CEP72: variants seen among roughly 807,000 people sequenced by gnomAD.
CEP72 encodes centrosomal protein of 72 kDa.
CEP72 carries 78 observed loss-of-function variants against 65.7 expected under a neutral mutation model. The observed-to-expected ratio is 1.19, with a 90% CI of 0.99 to 1.43. The LOEUF is 1.43. CEP72 is among the 40% of genes most tolerant of loss of function. CEP72 has a pLI of 0.00. For synonymous variants in CEP72, 358 were observed against 351.7 expected (o/e 1.02, Z -0.20); for missense variants, 914 against 832.9 (o/e 1.10, Z -1.20).
chr5:629,439 T>G (rs7724103), intron 4 of CEP72, among the ~76,000 whole-genome samples: 3,010 of 148,000 alleles, frequency 0.02, 121 homozygotes, highest in Non-Finnish European at 0.032. Context: ...CCTGGTGGGA[T>G]TCTGTCCAGT....
At chr5:668,204 TACC>T (rs2126872863), downstream of CEP72, among the ~76,000 whole-genome samples, 3 of 116,572 alleles carry the variant, frequency 2.6e-5, no homozygotes, top group African/African-American at 6.5e-5. Flanking sequence ...GTCAGGGAAG[TACC>T]GACAAGCACA....
At chr5:672,392 G>A in the CEP72 span, among the ~76,000 whole-genome samples, 45 of 152,354 alleles carry the variant, frequency 3.0e-4, no homozygotes, top group African/African-American at 9.9e-4. Context: ...TATAGGAAAC[G>A]TCAGTGCATT....
the CEP72 span, among the ~76,000 whole-genome samples, chr5:672,926 A>G: frequency 6.6e-6 from 1 of 152,268 alleles, no homozygotes; most frequent in Non-Finnish European, 1.5e-5. Flanking sequence ...TGCCATGGCA[A>G]CGAGGACTAA....
At chr5:642,849 A>C in intron 9 of CEP72, 1 of 985,438 alleles carries the variant, frequency 1.0e-6, no homozygotes, top group Non-Finnish European at 1.2e-6. Flanking sequence ...AGAAGCACCC[A>C]AGTTTACTCT....
chr5:666,109 C>A (rs768821190), intron 4 of CEP72: 2 of 1,572,856 alleles, frequency 1.3e-6, no homozygotes, highest in Non-Finnish European at 1.7e-6. Context: ...GGTGATGGTC[C>A]GGCAAGACTT....
At position 612,386 on chromosome 5, in the gene CEP72, G is replaced by A. The variant is rs772588508; in HGVS notation, c.25G>A (p.Val9Met). Residue 9 changes from valine (V) to methionine (M), a missense_variant, in exon 1 of 12, where the codon GTG (valine) becomes ATG (methionine). Coordinates refer to ENST00000264935, the MANE Select transcript of CEP72 (RefSeq NM_018140.4). The stretch of plus-strand genomic sequence containing the variant: ...CATGGCGCGGGCTGGCCCTCGGCTG[G>A]TGCTGAGCGAGGAGGCGGTTCGGGC... MARAGPRL[V>M]LSEEAVRAKS... 2.7e-6 allele frequency: 4 copies of A among 1,491,754 alleles called. No individual in the cohort carries two copies. The South Asian group carries it at 3.8e-5, about 14-fold the overall frequency. The allele number at this position is 1,491,754 out of a possible 1,614,324, so 92.4% of individuals were successfully genotyped here.
intron 4 of CEP72, chr5:666,142 C>T (rs372405821): frequency 1.2e-6 from 2 of 1,605,886 alleles, no homozygotes; most frequent in African/African-American, 2.7e-5. Flanking sequence ...GCACAGGCGA[C>T]TTAGGGCTGG....
chr5:640,596 A>G lies in CEP72; in HGVS notation c.1531A>G (p.Lys511Glu), dbSNP rs1215532402. The G allele has an allele frequency of 6.2e-6, 10 of 1,611,626 alleles. No homozygotes were observed. Among genetic ancestry groups the G allele is most frequent in the South Asian group, 4.4e-5 (4 of 91,006 alleles). ...GACGGCGGAGCTGCACCACACACAC[A>G]AGGAGCTGGTGAGCCCGCCCTGGCG... ...EVTAELHHTH[K>E]ELDDLRQHLD... Residue 511 changes from lysine to glutamate, a missense_variant, in exon 9 of 12, where the codon AAG becomes GAG. Physicochemically the swap from Lys to Glu is moderately conservative, Grantham distance 56. Coordinates refer to ENST00000264935, the MANE Select transcript of CEP72 (RefSeq NM_018140.4).
chr5:641,778 C>T lies in CEP72; in HGVS notation c.1539+1174C>T, dbSNP rs184919240. ...CCTGTGCATTTAAGCACACGTGGTCCCCCGTCTAGAAGCCTGTGCATTTAA... is the reference window on the plus strand; with the variant it reads ...CCTGTGCATTTAAGCACACGTGGTCTCCCGTCTAGAAGCCTGTGCATTTAA... On this transcript the variant is annotated intron_variant, in intron 9 of 11. Coordinates refer to ENST00000264935, the MANE Select transcript of CEP72 (RefSeq NM_018140.4). 8.7e-4 allele frequency: 852 copies of T among 984,630 alleles called. 7 individuals carry two copies. The African/African-American group carries it at 0.014, about 16-fold the overall frequency. 61.0% of individuals were successfully genotyped at this position (984,630 alleles called of 1,614,324 possible).
chr5:644,142 G>A, intron 9 of CEP72, 157 bp from the exon 10 acceptor site: 8 of 783,424 alleles, frequency 1.0e-5, no homozygotes, highest in Non-Finnish European at 1.7e-5. Flanking sequence ...GCTGGGAGCA[G>A]GGAGATGTAC....
chr5:618,760 G>T (rs1166016324), intron 1 of CEP72, among the ~76,000 whole-genome samples: 2 of 152,146 alleles, frequency 1.3e-5, no homozygotes, highest in Non-Finnish European at 2.9e-5. Flanking sequence ...TGGGATCTGG[G>T]GATGAGGAAC....
chr5:648,476 G>A (rs539074264), intron 11 of CEP72, among the ~76,000 whole-genome samples: 2 of 140,374 alleles, frequency 1.4e-5, no homozygotes, highest in African/African-American at 5.2e-5. Context: ...AGGTGTGACT[G>A]TGAGGTATGA....
chr5:644,290 T>C lies in CEP72; in HGVS notation c.1540-9T>C, dbSNP rs1228287542. On this transcript the variant is annotated splice_polypyrimidine_tract_variant and intron_variant, in intron 9 of 11. Coordinates refer to ENST00000264935, the MANE Select transcript of CEP72 (RefSeq NM_018140.4). ...CTTGTGCACTTAAGTGTATTTTCTG[T>C]GTCCGCAGGATGATTTGAGACAACA... is the stretch of plus-strand genomic sequence containing the variant. 1.2e-6 allele frequency: 2 copies of C among 1,612,062 alleles called. No individual in the cohort carries two copies. Among genetic ancestry groups the C allele is most frequent in the Non-Finnish European group, 1.7e-6 (2 of 1,179,036 alleles).
At chr5:665,938 C>CCCCCCCCCCCCACAA in intron 3 of CEP72, 1 of 1,366,608 alleles carries the variant, frequency 7.3e-7, no homozygotes, top group Non-Finnish European at 9.7e-7. Flanking sequence ...CCACCCCCTC[C>CCCCCCCCCCCCACAA]AGGCCCCGCC....
chr5:635,396 A>G lies in CEP72; in HGVS notation c.716A>G (p.Gln239Arg). The G allele has an allele frequency of 6.2e-7, 1 of 1,613,148 alleles. No individual in the cohort carries two copies. The change falls in exon 6 of 12, where the codon CAG becomes CGG. Residue 239 changes from glutamine (Q) to arginine (R), a missense_variant. Transcript: ENST00000264935. ...GAATCCAGACATCTGTTGAGCCCGC[A>G]GTTGGTACAGTACCAGTGTGGGGAC... The part of the protein sequence containing the change: ...SQESRHLLSP[Q>R]LVQYQCGDSG...
At chr5:673,064 G>A in the CEP72 span, among the ~76,000 whole-genome samples, 26 of 152,230 alleles carry the variant, frequency 1.7e-4, no homozygotes, top group Admixed American at 1.2e-3. Flanking sequence ...CTGCAGTACC[G>A]AAGGCCACTT....
chr5:616,838 G>GCGCA (rs55869296), intron 1 of CEP72, among the ~76,000 whole-genome samples: 1 of 151,312 alleles, frequency 6.6e-6, no homozygotes, highest in African/African-American at 2.4e-5. Context: ...GTGTGCGCGC[G>GCGCA]AGTGGGGGTT....
In CEP72 at chr5:623,976, TTCTTA is replaced by T. The variant is rs1736568631; in HGVS notation, c.404-490_404-486del. On this transcript the variant is annotated intron_variant, in intron 3 of 11. Transcript: ENST00000264935. This position sits in a 1 kb window ranked among gnomAD's most constrained non-coding sequence, Gnocchi z 5.3. ...CGCCAAGGTTGAAGGCCTGGGGACC[TTCTTA>T]TCTTCAGGGATTTACATGAGGAAGC... 1.3e-5 allele frequency among the ~76,000 whole-genome samples: 2 copies of T among 152,186 alleles called. No homozygotes were observed. The highest frequency in any genetic ancestry group is 4.2e-4 in the South Asian group (2 of 4,814).
rs542381852 is a variant in CEP72, at chr5:652,892, G to A, written c.1779-96G>A. On this transcript the variant is annotated intron_variant, in intron 11 of 11. Transcript: ENST00000264935. ...CTGTGTGCAGGGCCAGGGCACCTTC[G>A]TGCCCATGCAGGGAGGTGGGCAGGC... 31 of 1,342,166 alleles carry A rather than the reference G, an allele frequency of 2.3e-5. No individual in the cohort carries two copies. In the Admixed American group the frequency reaches 4.3e-4, roughly 19 times the overall value. The allele number at this position is 1,342,166 out of a possible 1,614,324, so 83.1% of individuals were successfully genotyped here.
Sources: gnomAD v4.1 joint callset for allele counts (sites outside exome capture counted in the v4.1 genomes callset) on GRCh38, gnomAD v4.1.1 for gene constraint, Gnocchi (gnomAD v3.1) non-coding constraint, MANE v1.5 for transcripts, NCBI Gene and HGNC (gene_info 2026-07-23, HGNC 2026-07-21) for gene names.